RPRD1A: variants seen among roughly 807,000 people sequenced by gnomAD.
RPRD1A encodes the protein regulation of nuclear pre-mRNA domain-containing protein 1A.
RPRD1A carries 9 observed loss-of-function variants against 37.8 expected under a neutral mutation model. That is an observed-to-expected ratio of 0.24 (90% confidence interval 0.14 to 0.42). The LOEUF is 0.42. Ranked by LOEUF, RPRD1A falls within the 10% of genes least tolerant of loss-of-function variation. The pLI is 1.00. For missense variants in RPRD1A, 255 were observed against 371.0 expected, an observed-to-expected ratio of 0.69 and a Z score of 2.57; for synonymous variants, 138 against 139.7, an observed-to-expected ratio of 0.99 and a Z score of 0.08.
intron 1 of RPRD1A, among the ~76,000 whole-genome samples, chr18:36,040,585 G>A (rs2144334771): frequency 6.6e-6 from 1 of 152,240 alleles, no homozygotes; most frequent in South Asian, 2.1e-4. Context: ...GATACCCTGA[G>A]GTACGTCATG....
chr18:36,050,656 A>G (rs896852393), intron 1 of RPRD1A, among the ~76,000 whole-genome samples: 3 of 152,022 alleles, frequency 2.0e-5, no homozygotes, highest in African/African-American at 7.2e-5. Context: ...ATTATTAGTC[A>G]TTAGGGAGTA....
chr18:36,010,990 T>C (rs28483854), intron 6 of RPRD1A, among the ~76,000 whole-genome samples: 31,083 of 152,136 alleles, frequency 0.2, 6,884 homozygotes, highest in African/African-American at 0.54. Context: ...CACTGCGCTA[T>C]AGACATAAAA....
At chr18:36,024,970 T>C (rs1055381614) in intron 6 of RPRD1A, 4 of 152,230 alleles carry the variant, frequency 2.6e-5, no homozygotes, top group African/African-American at 7.2e-5. Context: ...ATTGAGGTGA[T>C]TTCTTCTTTA....
At chr18:36,024,927 G>C (rs963490268) in intron 6 of RPRD1A, 3 of 152,146 alleles carry the variant, frequency 2.0e-5, no homozygotes, top group African/African-American at 7.2e-5. Flanking sequence ...TACTTGTAAA[G>C]AGTATTTACT....
intron 6 of RPRD1A, among the ~76,000 whole-genome samples, chr18:35,997,720 T>C (rs889178524): frequency 4.6e-5 from 7 of 152,188 alleles, no homozygotes; most frequent in Non-Finnish European, 8.8e-5. Context: ...CTACTTAAAG[T>C]TTTTAAATTG....
chr18:35,997,677 CT>C (rs1909161014), intron 6 of RPRD1A, among the ~76,000 whole-genome samples: 1 of 152,188 alleles, frequency 6.6e-6, no homozygotes. Context: ...AAATTTTGCT[CT>C]TCTTTCCATC....
In RPRD1A at chr18:36,067,411, G is replaced by C. The variant is rs369553287; in HGVS notation, c.-7C>G. 2.5e-6 allele frequency: 4 copies of C among 1,604,668 alleles called. No homozygotes were observed. The highest frequency in any genetic ancestry group is 1.7e-6 in the Non-Finnish European group (2 of 1,175,820). On this transcript the variant is annotated 5_prime_UTR_variant, in exon 1 of 7. Transcript: ENST00000399022. ...CCTCAGAGAAGGCTGACATCCCTCC[G>C]ACACCACGTTCACGCCGTCCCACGC...
chr18:36,033,127 C>A (rs757090319), intron 2 of RPRD1A, among the ~76,000 whole-genome samples: 9 of 151,746 alleles, frequency 5.9e-5, no homozygotes, highest in Non-Finnish European at 1.0e-4. Context: ...GATGGTGAAA[C>A]CTTGTCTCTA....
chr18:36,019,622 T>C (rs193004197), intron 6 of RPRD1A, among the ~76,000 whole-genome samples: 284 of 152,360 alleles, frequency 1.9e-3, no homozygotes, highest in African/African-American at 6.5e-3. Flanking sequence ...CTTCCATTTA[T>C]ATGATAGAGC....
rs879922283 is a variant in RPRD1A at position 36,065,875 on chromosome 18, A to AT, written c.151+1378dup. Among the ~76,000 whole-genome samples, 1,227 of 145,132 alleles carry AT rather than the reference A, an allele frequency of 8.5e-3. 6 individuals carry two copies. Among genetic ancestry groups the AT allele is most frequent in the African/African-American group, 0.017 (688 of 39,952 alleles). ...TGAAATGCCTATAAACAGTACTGCCATTTTTTTTTTTTACTGATTTGTAAT... is the reference window on the plus strand; with the variant it reads ...TGAAATGCCTATAAACAGTACTGCCATTTTTTTTTTTTTACTGATTTGTAAT... On this transcript the variant is annotated intron_variant, in intron 1 of 6. Coordinates refer to ENST00000399022, the MANE Select transcript of RPRD1A (RefSeq NM_018170.5).
chr18:36,043,300 A>C (rs1236170385), intron 1 of RPRD1A, among the ~76,000 whole-genome samples: 7 of 151,102 alleles, frequency 4.6e-5, no homozygotes, highest in African/African-American at 1.7e-4. Flanking sequence ...ATGCTGAAAA[A>C]GGCTTCAGCA....
chr18:36,003,165 A>G lies in RPRD1A; in HGVS notation c.790-9865T>C, dbSNP rs1234902348. ...TTTGTTCTTGTCTCTGCCTCTGGAT[A>G]CACTGTGGCAAGTTAATTCATTTTG... On this transcript the variant is annotated intron_variant, in intron 6 of 6. Transcript: ENST00000399022. Among the ~76,000 whole-genome samples, 7 of 152,310 alleles carry G rather than the reference A, an allele frequency of 4.6e-5. No homozygotes were observed. In the East Asian group the frequency reaches 1.3e-3, roughly 29 times the overall value.
At position 35,989,855 on chromosome 18, in the gene RPRD1A, A is replaced by G. The variant is rs1296828020; in HGVS notation, c.*3296T>C. ...TCAAAAAGAACATAAAACTTTATTAAGAACATCTTATACTGTCATCAGATA... is the reference window on the plus strand; with the variant it reads ...TCAAAAAGAACATAAAACTTTATTAGGAACATCTTATACTGTCATCAGATA... On this transcript the variant is annotated 3_prime_UTR_variant, in exon 7 of 7. Coordinates refer to ENST00000399022, the MANE Select transcript of RPRD1A (RefSeq NM_018170.5). 2 of 152,262 alleles carry G rather than the reference A, an allele frequency of 1.3e-5. No individual in the cohort carries two copies. Among genetic ancestry groups the G allele is most frequent in the African/African-American group, 2.4e-5 (1 of 41,472 alleles). The allele number at this position is 152,262 out of a possible 1,614,324, so 9.4% of individuals were successfully genotyped here.
chr18:36,010,767 G>T (rs1468723687), intron 6 of RPRD1A, among the ~76,000 whole-genome samples: 1 of 152,186 alleles, frequency 6.6e-6, no homozygotes, highest in Non-Finnish European at 1.5e-5. Context: ...AAGAAATCAT[G>T]AAGAAGTGCC....
At position 36,019,315 on chromosome 18, in the gene RPRD1A, G is replaced by C. The variant is rs536276519; in HGVS notation, c.789+7585C>G. Among the ~76,000 whole-genome samples, 6 of 152,056 alleles carry C rather than the reference G, an allele frequency of 3.9e-5. No homozygotes were observed. In the East Asian group the frequency reaches 1.2e-3, roughly 30 times the overall value. Reference sequence around the variant, plus strand: ...GTAGAGATGGGGTTTCACCGTGTTAGCTGGGATGGTCTCGATCTCCTGACC... The same window carrying C: ...GTAGAGATGGGGTTTCACCGTGTTACCTGGGATGGTCTCGATCTCCTGACC... On this transcript the variant is annotated intron_variant, in intron 6 of 6. Coordinates refer to ENST00000399022, the MANE Select transcript of RPRD1A (RefSeq NM_018170.5).
chr18:35,999,225 C>T (rs540961165), intron 6 of RPRD1A, among the ~76,000 whole-genome samples: 2 of 152,324 alleles, frequency 1.3e-5, no homozygotes, highest in South Asian at 2.1e-4. Context: ...CCAGTCAACA[C>T]TCCATGAAGT....
At chr18:36,033,579 C>A (rs946828612) in intron 2 of RPRD1A, 129 bp downstream of exon 2, 1 of 698,260 alleles carries the variant, frequency 1.4e-6, no homozygotes, top group Non-Finnish European at 2.1e-6. Flanking sequence ...AGAGGGAAGT[C>A]TTTTCAAATA....
At chr18:36,058,062 G>GT (rs1237368327) in intron 1 of RPRD1A, among the ~76,000 whole-genome samples, 1 of 152,078 alleles carries the variant, frequency 6.6e-6, no homozygotes, top group Non-Finnish European at 1.5e-5. Context: ...TGTATTTTTT[G>GT]TGACAGGGTC....
At chr18:36,017,448 A>C (rs1910666245) in intron 6 of RPRD1A, among the ~76,000 whole-genome samples, 1 of 152,160 alleles carries the variant, frequency 6.6e-6, no homozygotes, top group Non-Finnish European at 1.5e-5. Flanking sequence ...AACCATTTTC[A>C]GACACTGCCA....
Sources: allele counts gnomAD v4.1 joint callset (sites outside exome capture counted in the v4.1 genomes callset), GRCh38; gene constraint gnomAD v4.1.1; transcripts MANE v1.5; gene names NCBI Gene and HGNC (gene_info 2026-07-23, HGNC 2026-07-21).